ZDHHC14: variants seen among roughly 807,000 people sequenced by gnomAD.
ZDHHC14 encodes the protein palmitoyltransferase ZDHHC14.
Under a neutral mutation model 47.7 loss-of-function variants are expected in ZDHHC14, and 16 were observed. The ratio of observed to expected loss-of-function variants is 0.34; its 90% CI spans 0.23 to 0.51. The LOEUF (loss-of-function observed/expected upper bound fraction) is 0.51, where lower values mean the gene tolerates loss of function less well. Ranked by LOEUF, ZDHHC14 falls within the 20% of genes least tolerant of loss-of-function variation. The probability of loss-of-function intolerance (pLI) is 0.97; values close to 1 mark genes in which losing one functional copy is unlikely to be tolerated. For missense variants in ZDHHC14, 515 were observed against 662.5 expected (o/e 0.78, Z 2.44); for synonymous variants, 293 against 278.9 (o/e 1.05, Z -0.50).
intron 2 of ZDHHC14, among the ~76,000 whole-genome samples, chr6:157,578,764 C>T (rs549547981): frequency 2.0e-5 from 3 of 152,312 alleles, no homozygotes; most frequent in South Asian, 4.1e-4. Context: ...TGTCCTGCTG[C>T]CCTGTGAAGA....
intron 4 of ZDHHC14, chr6:157,632,626 G>T: frequency 1.6e-6 from 1 of 610,518 alleles, no homozygotes; most frequent in Non-Finnish European, 2.9e-6. Context: ...CCCTGCAGAT[G>T]TTGGGCCTAA....
intron 1 of ZDHHC14, among the ~76,000 whole-genome samples, chr6:157,489,036 C>T (rs1779849004): frequency 6.6e-6 from 1 of 152,186 alleles, no homozygotes. Context: ...ACTGTAGCGG[C>T]TTTATGGTGT....
At chr6:157,647,228 T>C (rs1346185870) in intron 6 of ZDHHC14, 31 bp from the exon 7 acceptor site, 4 of 1,536,452 alleles carry the variant, frequency 2.6e-6, no homozygotes, top group Admixed American at 1.7e-5. Context: ...GTGGAAGATA[T>C]TGCTTGTTAC....
chr6:157,461,432 A>T (rs1348411561), intron 1 of ZDHHC14, among the ~76,000 whole-genome samples: 1 of 152,202 alleles, frequency 6.6e-6, no homozygotes, highest in Non-Finnish European at 1.5e-5. Context: ...AGCAGGGCAG[A>T]TTGCTGTGGG....
intron 1 of ZDHHC14, among the ~76,000 whole-genome samples, chr6:157,385,155 C>T (rs1777286641): frequency 6.6e-6 from 1 of 151,332 alleles, no homozygotes; most frequent in South Asian, 2.1e-4. Flanking sequence ...GTGGCACAAT[C>T]ATGGCTCACT....
intron 1 of ZDHHC14, among the ~76,000 whole-genome samples, chr6:157,401,149 A>G (rs1777627899): frequency 6.6e-6 from 1 of 152,238 alleles, no homozygotes; most frequent in African/African-American, 2.4e-5. Context: ...CCTTGCCACA[A>G]GAAGCACTGA....
intron 2 of ZDHHC14, among the ~76,000 whole-genome samples, chr6:157,567,559 T>TA (rs1465015404): frequency 6.6e-6 from 1 of 152,180 alleles, no homozygotes. Flanking sequence ...CTTTTGCCTG[T>TA]AATCCCAACA....
rs149208421 is a variant in ZDHHC14, at chr6:157,636,613, G to C, written c.752+3731G>C. On this transcript the variant is annotated intron_variant, in intron 5 of 8. Coordinates refer to ENST00000359775, the MANE Select transcript of ZDHHC14 (RefSeq NM_024630.3). ...AAAAGGAGACTTAACTTTAAACCCA[G>C]AATATCCCAGGGCAGCCAAGAAAAA... 2.0e-4 allele frequency among the ~76,000 whole-genome samples: 30 copies of C among 152,180 alleles called. 1 individual carries two copies. In the East Asian group the frequency reaches 4.7e-3, roughly 24 times the overall value.
intron 3 of ZDHHC14, among the ~76,000 whole-genome samples, chr6:157,594,583 T>TTAC (rs1272426836): frequency 6.6e-6 from 1 of 152,256 alleles, no homozygotes; most frequent in African/African-American, 2.4e-5. Flanking sequence ...TCTGTGATTG[T>TTAC]TAGCTGCTAG....
chr6:157,460,907 G>C (rs1046397821), intron 1 of ZDHHC14, among the ~76,000 whole-genome samples: 1 of 152,144 alleles, frequency 6.6e-6, no homozygotes, highest in East Asian at 1.9e-4. Context: ...TGCTAGCACG[G>C]GTTGGCAACA....
chr6:157,528,508 G>A (rs953317027), intron 1 of ZDHHC14, among the ~76,000 whole-genome samples: 1 of 152,002 alleles, frequency 6.6e-6, no homozygotes, highest in Admixed American at 6.6e-5. Context: ...GAGGCGGGCA[G>A]ATCACGAGGT....
At chr6:157,628,570 G>A (rs1785532347) in intron 4 of ZDHHC14, 84 bp downstream of exon 4, 1 of 1,528,520 alleles carries the variant, frequency 6.5e-7, no homozygotes, top group Non-Finnish European at 8.8e-7. Context: ...TTAATATTTT[G>A]GTCATTTCGG....
Position 157,611,069 on chromosome 6 carries a change from C to A in ZDHHC14, c.566-17280C>A, listed in dbSNP as rs201881674. Among the ~76,000 whole-genome samples, 4 of 152,114 alleles carry A rather than the reference C, an allele frequency of 2.6e-5. No individual in the cohort carries two copies. The East Asian group carries it at 7.7e-4, about 29-fold the overall frequency. ...GGGTCCTGCTCTGTCTGCTGGAGTG[C>A]TGTGATGCAATCTCCACCTCCCGGG... On this transcript the variant is annotated intron_variant, in intron 3 of 8. Transcript: ENST00000359775.
intron 3 of ZDHHC14, among the ~76,000 whole-genome samples, chr6:157,612,231 C>A (rs150747828): frequency 6.6e-6 from 1 of 152,158 alleles, no homozygotes; most frequent in African/African-American, 2.4e-5. Flanking sequence ...AGCTGCAAGC[C>A]GCCATCATCT....
intron 1 of ZDHHC14, among the ~76,000 whole-genome samples, chr6:157,480,382 C>T (rs990176832): frequency 4.0e-5 from 6 of 151,520 alleles, no homozygotes; most frequent in Non-Finnish European, 8.8e-5. Context: ...ATTCTCCTGC[C>T]TCAGTCTCCC....
chr6:157,630,841 CATAT>C (rs921870637), intron 4 of ZDHHC14: 1 of 149,890 alleles, frequency 6.7e-6, no homozygotes, highest in African/African-American at 2.5e-5. Context: ...TCTAGCCACT[CATAT>C]ATACTCACCA....
chr6:157,672,796 G>C lies in ZDHHC14; in HGVS notation c.1141G>C (p.Glu381Gln). The change falls in exon 9 of 9, where the codon GAG (glutamate) becomes CAG (glutamine). Residue 381 changes from glutamate (E) to glutamine (Q), a missense_variant. Coordinates refer to ENST00000359775, the MANE Select transcript of ZDHHC14 (RefSeq NM_024630.3). ...TGCAGCCACGCCCCTGCTGCAGAGC[G>C]AGCCCAGCCTCACCAGCGACGAGCT... ...QAAATPLLQS[E>Q]PSLTSDELHL... 2 of 1,612,660 alleles carry C rather than the reference G, an allele frequency of 1.2e-6. No homozygotes were observed. The highest frequency in any genetic ancestry group is 1.7e-6 in the Non-Finnish European group (2 of 1,179,800).
At chr6:157,533,826 G>A (rs1171256696) in intron 1 of ZDHHC14, among the ~76,000 whole-genome samples, 1 of 152,224 alleles carries the variant, frequency 6.6e-6, no homozygotes, top group African/African-American at 2.4e-5. Flanking sequence ...ATGTGGAGAT[G>A]TTTTAGGAAT....
At chr6:157,643,103 T>A (rs1486318396) in intron 5 of ZDHHC14, among the ~76,000 whole-genome samples, 5 of 152,226 alleles carry the variant, frequency 3.3e-5, no homozygotes, top group Admixed American at 3.3e-4. Flanking sequence ...GAGGGAGTCA[T>A]GCTTCTCCCT....
Sources: allele counts gnomAD v4.1 joint callset (sites outside exome capture counted in the v4.1 genomes callset), GRCh38; gene constraint gnomAD v4.1.1; transcripts MANE v1.5; gene names NCBI Gene and HGNC (gene_info 2026-07-23, HGNC 2026-07-21).